HECW2: variants seen among roughly 807,000 people sequenced by gnomAD.
HECW2 encodes HECT, C2 and WW domain containing E3 ubiquitin protein ligase 2.
Under a neutral mutation model 175.2 loss-of-function variants are expected in HECW2, and 61 were observed. That is an observed-to-expected ratio of 0.35 (90% confidence interval 0.28 to 0.43). HECW2 has a LOEUF of 0.43. HECW2 is among the 20% of genes least tolerant of loss of function. The probability of loss-of-function intolerance (pLI) is 1.00; values close to 1 mark genes in which losing one functional copy is unlikely to be tolerated. For missense variants in HECW2, 1,524 were observed against 2,000.5 expected (o/e 0.76, Z 4.54); for synonymous variants, 671 against 731.0 (o/e 0.92, Z 1.32).
chr2:196,424,576 T>C (rs1388988497), intron 2 of HECW2, among the ~76,000 whole-genome samples: 1 of 152,142 alleles, frequency 6.6e-6, no homozygotes, highest in Non-Finnish European at 1.5e-5. Context: ...AACAGCCTTA[T>C]TATTGATATG....
chr2:196,264,928 C>G (rs553916267), intron 17 of HECW2, among the ~76,000 whole-genome samples: 102 of 152,206 alleles, frequency 6.7e-4, no homozygotes, highest in Non-Finnish European at 1.2e-3. Context: ...AATAGGCCTA[C>G]AAGATAATTA....
chr2:196,526,351 G>C (rs1166688242), intron 1 of HECW2, among the ~76,000 whole-genome samples: 5 of 139,294 alleles, frequency 3.6e-5, no homozygotes, highest in East Asian at 2.0e-4. Context: ...GCACTTCTCT[G>C]TATTGGTTAT....
intron 1 of HECW2, among the ~76,000 whole-genome samples, chr2:196,506,021 G>A (rs963024728): frequency 6.6e-6 from 1 of 152,174 alleles, no homozygotes; most frequent in African/African-American, 2.4e-5. Context: ...CAATAAGGCA[G>A]TCGGGGAGGG....
chr2:196,579,846 A>G (rs1261548864), intron 1 of HECW2, among the ~76,000 whole-genome samples: 1 of 152,186 alleles, frequency 6.6e-6, no homozygotes, highest in East Asian at 1.9e-4. Context: ...GACCACCTGA[A>G]GCCAAGGAGA....
At chr2:196,279,842 C>G (rs1266568823) in intron 14 of HECW2, among the ~76,000 whole-genome samples, 5 of 152,286 alleles carry the variant, frequency 3.3e-5, no homozygotes, top group African/African-American at 1.2e-4. Context: ...GACATTTCTC[C>G]CCCATAATGT....
chr2:196,200,789 A>C lies in HECW2; in HGVS notation c.*488T>G, dbSNP rs1686830277. On this transcript the variant is annotated 3_prime_UTR_variant, in exon 29 of 29. Coordinates refer to ENST00000644978, the MANE Select transcript of HECW2 (RefSeq NM_001348768.2). ...GGTGCACACCATGCAGGCACTCATA[A>C]GCAAGAAATGAATATTCTGTTATAA... 6.5e-6 allele frequency: 1 copy of C among 154,672 alleles called. No individual in the cohort carries two copies. The highest frequency in any genetic ancestry group is 6.4e-5 in the Admixed American group (1 of 15,744). The allele number at this position is 154,672 out of a possible 1,614,324, so 9.6% of individuals were successfully genotyped here.
intron 17 of HECW2, chr2:196,269,458 C>A (rs1689642206): frequency 7.6e-6 from 1 of 131,112 alleles, no homozygotes; most frequent in Admixed American, 8.5e-5. Flanking sequence ...GCACTCCAGC[C>A]TGGGCGACAA....
At chr2:196,434,848 T>C (rs1695824310) in intron 1 of HECW2, among the ~76,000 whole-genome samples, 1 of 152,218 alleles carries the variant, frequency 6.6e-6, no homozygotes, top group East Asian at 1.9e-4. Context: ...CAACACCCAC[T>C]GCATGAGTTT....
intron 1 of HECW2, among the ~76,000 whole-genome samples, chr2:196,567,102 C>T (rs1237848236): frequency 1.3e-5 from 2 of 152,118 alleles, no homozygotes; most frequent in Admixed American, 1.3e-4. Flanking sequence ...AGTAACATGC[C>T]ATTTCCACAT....
intron 2 of HECW2, among the ~76,000 whole-genome samples, chr2:196,348,652 A>C (rs1003115609): frequency 1.3e-5 from 2 of 152,206 alleles, no homozygotes; most frequent in South Asian, 2.1e-4. Context: ...TAACTCAAAA[A>C]AAAGAACAAT....
At chr2:196,452,082 A>G (rs1296840830) in intron 1 of HECW2, among the ~76,000 whole-genome samples, 1 of 152,182 alleles carries the variant, frequency 6.6e-6, no homozygotes, top group East Asian at 1.9e-4. Context: ...GAACAAGCAT[A>G]CATAGCTCAG....
At chr2:196,305,407 G>C (rs1296162449) in intron 13 of HECW2, among the ~76,000 whole-genome samples, 1 of 152,160 alleles carries the variant, frequency 6.6e-6, no homozygotes, top group East Asian at 1.9e-4. Flanking sequence ...TACTTGTAAA[G>C]CAAAGCTAAA....
intron 7 of HECW2, 30 bp from the exon 8 acceptor site, chr2:196,320,469 T>G (rs1276555890): frequency 6.9e-7 from 1 of 1,451,368 alleles, no homozygotes; most frequent in South Asian, 1.2e-5. Flanking sequence ...TCTTTCATCC[T>G]GACTACGCTG....
rs1435093520 is a variant in HECW2 at position 196,319,670 on chromosome 2, G to A, written c.1220C>T (p.Ser407Leu). The A allele has an allele frequency of 6.2e-7, 1 of 1,614,120 alleles. No individual in the cohort carries two copies. Among genetic ancestry groups the A allele is most frequent in the Non-Finnish European group, 8.5e-7 (1 of 1,180,058 alleles). ...TGAATCCTGACGTCCTCTGGGAGGT[G>A]AGGTCCTTGAAGACGTAGAGGTTAA... ...EELTSTSSRT[S>L]PPRGRQDSLN... Residue 407 changes from serine to leucine, a missense_variant, in exon 9 of 29, where the codon TCA (serine) becomes TTA (leucine). Around this residue, in one of 11 missense-constraint regions of HECW2, gnomAD observed 604 missense variants for 588.3 expected, o/e 1.03. Transcript: ENST00000644978.
intron 2 of HECW2, among the ~76,000 whole-genome samples, chr2:196,407,882 C>T (rs561420812): frequency 1.3e-5 from 2 of 152,304 alleles, no homozygotes; most frequent in East Asian, 1.9e-4. Flanking sequence ...TGTTAAAATG[C>T]TTGTTGAATT....
intron 1 of HECW2, among the ~76,000 whole-genome samples, chr2:196,454,577 T>C (rs1038121705): frequency 6.6e-6 from 1 of 152,218 alleles, no homozygotes; most frequent in East Asian, 1.9e-4. Context: ...TCCTAAGCTG[T>C]TGATGAGTGT....
intron 1 of HECW2, among the ~76,000 whole-genome samples, chr2:196,464,935 A>G (rs866694915): frequency 6.6e-6 from 1 of 152,104 alleles, no homozygotes; most frequent in Admixed American, 6.6e-5. Context: ...CCAGCTACTC[A>G]GGAGGCTGAG....
intron 14 of HECW2, among the ~76,000 whole-genome samples, chr2:196,281,067 A>G (rs908713163): frequency 6.6e-6 from 1 of 152,190 alleles, no homozygotes; most frequent in African/African-American, 2.4e-5. Context: ...GTAATTATAA[A>G]GACAAATGGG....
chr2:196,299,026 T>C (rs1690925340), intron 13 of HECW2, among the ~76,000 whole-genome samples: 1 of 152,206 alleles, frequency 6.6e-6, no homozygotes, highest in Admixed American at 6.5e-5. Flanking sequence ...GTTATCTCCA[T>C]TAATTCATAC....
Sources: allele counts gnomAD v4.1 joint callset (sites outside exome capture counted in the v4.1 genomes callset), GRCh38; gene constraint gnomAD v4.1.1; regional missense constraint gnomAD v4.1.1; transcripts MANE v1.5; gene names NCBI Gene and HGNC (gene_info 2026-07-23, HGNC 2026-07-21).